GIPR: variants seen among roughly 807,000 people sequenced by gnomAD.
GIPR encodes gastric inhibitory polypeptide receptor, also known as GIP-R.
A neutral mutation model predicts 62.2 loss-of-function variants in GIPR; 74 were observed. That is an observed-to-expected ratio of 1.19 (90% CI 0.99 to 1.44). The LOEUF (loss-of-function observed/expected upper bound fraction) is 1.44, where lower values mean the gene tolerates loss of function less well. Among genes scored for constraint, GIPR ranks in the 40% most tolerant of loss-of-function variants. The probability of loss-of-function intolerance (pLI) is 0.00; values close to 1 mark genes in which losing one functional copy is unlikely to be tolerated. For missense variants in GIPR, 664 were observed against 611.8 expected (o/e 1.09, Z -0.90); for synonymous variants, 256 against 262.2 (o/e 0.98, Z 0.23).
intron 12 of GIPR, among the ~76,000 whole-genome samples, chr19:45,680,004 A>T (rs1455225184): frequency 2.0e-5 from 3 of 152,108 alleles, no homozygotes; most frequent in African/African-American, 7.2e-5. Flanking sequence ...TCCTGACCTC[A>T]GGTGATCCGC....
chr19:45,674,110 T>A lies in GIPR; in HGVS notation c.421T>A (p.Tyr141Asn). ...CATCTTGGAGCGGTTGCAGGTCATGTACACTGTCGGCTACTCCCTGTCTCT... is the reference window on the plus strand; with the variant it reads ...CATCTTGGAGCGGTTGCAGGTCATGAACACTGTCGGCTACTCCCTGTCTCT... ...RLILERLQVM[Y>N]TVGYSLSLAT... is the part of the protein sequence containing the mutation. The change falls in exon 6 of 14, where the codon TAC (tyrosine) becomes AAC (asparagine). Residue 141 changes from tyrosine to asparagine, a missense_variant. Tyr to Asn is a moderately radical substitution (Grantham distance 143). Transcript: ENST00000590918. 1 of 1,613,714 alleles carries A rather than the reference T, an allele frequency of 6.2e-7. No homozygotes were observed. Among genetic ancestry groups the A allele is most frequent in the Non-Finnish European group, 8.5e-7 (1 of 1,179,618 alleles).
intron 12 of GIPR, among the ~76,000 whole-genome samples, chr19:45,680,034 C>G (rs56337742): frequency 6.6e-6 from 1 of 152,008 alleles, no homozygotes; most frequent in Non-Finnish European, 1.5e-5. Context: ...CCTCCCAAAG[C>G]GCCGGGATTA....
chr19:45,676,827 G>A (rs1966952287), intron 7 of GIPR, 122 bp from the exon 8 acceptor site: 4 of 851,874 alleles, frequency 4.7e-6, no homozygotes, highest in Non-Finnish European at 7.9e-6. Flanking sequence ...ATTCACTGGG[G>A]ACACAGAGTG....
Position 45,676,961 on chromosome 19 carries a change from T to G in GIPR, c.646T>G (p.Cys216Gly). The change falls in exon 8 of 14, where the codon TGC (cysteine) becomes GGC (glycine). Residue 216 changes from cysteine (C) to glycine (G), a missense_variant. Coordinates refer to ENST00000590918, the MANE Select transcript of GIPR (RefSeq NM_000164.4). ...GGCCCCTCCCTAGGCCCTCGCTGCC[T>G]GCCGCACGGCCCAGATCGTGACCCA... ...LALWNQALAACRTAQIVTQYC... is the reference protein window; with the variant it reads ...LALWNQALAAGRTAQIVTQYC... 1 of 1,614,048 alleles carries G rather than the reference T, an allele frequency of 6.2e-7. No homozygotes were observed. Among genetic ancestry groups the G allele is most frequent in the Non-Finnish European group, 8.5e-7 (1 of 1,180,004 alleles).
At chr19:45,677,876 G>C (rs1181700937) in intron 10 of GIPR, 30 bp from the exon 11 acceptor site, 2 of 1,608,242 alleles carry the variant, frequency 1.2e-6, no homozygotes, top group East Asian at 2.2e-5. Context: ...ATGGGATCGC[G>C]GCTGGCTCAG....
At chr19:45,681,420 G>A (rs146438093) in intron 12 of GIPR, among the ~76,000 whole-genome samples, 184 bp from the exon 13 acceptor site, 4 of 152,164 alleles carry the variant, frequency 2.6e-5, no homozygotes, top group African/African-American at 4.8e-5. Flanking sequence ...ACTTGAACCC[G>A]GGAGGTAGAG....
chr19:45,678,131 C>T lies in GIPR; in HGVS notation c.1057C>T (p.His353Tyr). The change falls in exon 12 of 14, where the codon CAC becomes TAC. Residue 353 changes from histidine (H) to tyrosine (Y), a missense_variant. By Grantham distance (83) the His-to-Tyr change is moderately conservative. Transcript: ENST00000590918. ...TLTLVPLLGV[H>Y]EVVFAPVTEE... ...GACGCTGGTGCCCCTGCTGGGTGTC[C>T]ACGAGGTGGTGTTTGCTCCCGTGAC... The T allele has an allele frequency of 2.5e-6, 4 of 1,612,512 alleles. No homozygotes were observed. The highest frequency in any genetic ancestry group is 3.4e-6 in the Non-Finnish European group (4 of 1,179,666).
intron 12 of GIPR, among the ~76,000 whole-genome samples, chr19:45,678,589 C>G (rs1191908824): frequency 6.6e-6 from 1 of 152,102 alleles, no homozygotes; most frequent in Non-Finnish European, 1.5e-5. Context: ...TCTCCAACTC[C>G]TAACCTTGGG....
intron 7 of GIPR, among the ~76,000 whole-genome samples, chr19:45,675,588 A>AAG (rs1211578606): frequency 1.3e-5 from 2 of 149,640 alleles, no homozygotes; most frequent in Non-Finnish European, 3.0e-5. Flanking sequence ...AAAAAAAAAA[A>AAG]AAAAAAAGCC....
Position 45,669,568 on chromosome 19 carries a change from C to G in GIPR, c.48C>G (p.Cys16Trp). The G allele has an allele frequency of 6.3e-7, 1 of 1,580,704 alleles. No individual in the cohort carries two copies. Among genetic ancestry groups the G allele is most frequent in the South Asian group, 1.2e-5 (1 of 86,738 alleles). Residue 16 changes from cysteine (C) to tryptophan (W), a missense_variant, in exon 2 of 14, where the codon TGC (cysteine) becomes TGG (tryptophan). Cys to Trp is a radical substitution (Grantham distance 215). Transcript: ENST00000590918. ...AGCTGCTGCTGCGGCTCTCACTGTGCGGGCTGCTGCTCCAGAGGGCGGAGG... is the reference window on the plus strand; with the variant it reads ...AGCTGCTGCTGCGGCTCTCACTGTGGGGGCTGCTGCTCCAGAGGGCGGAGG... Reference protein sequence around the residue: ...ILQLLLRLSLCGLLLQRAETG... With the variant: ...ILQLLLRLSLWGLLLQRAETG...
At chr19:45,678,804 G>C (rs529239526) in intron 12 of GIPR, among the ~76,000 whole-genome samples, 1 of 152,354 alleles carries the variant, frequency 6.6e-6, no homozygotes, top group African/African-American at 2.4e-5. Flanking sequence ...ACACAGCTGA[G>C]GCCAAATTCA....
chr19:45,682,212 G>A lies in GIPR; in HGVS notation c.*277G>A, dbSNP rs1049480784. On this transcript the variant is annotated 3_prime_UTR_variant, in exon 14 of 14. Coordinates refer to ENST00000590918, the MANE Select transcript of GIPR (RefSeq NM_000164.4). ...GGTGACACTTAAGCCATCCCCGAAA[G>A]AGGTGAAAGAGATCACTTTGGGGAG... 28 of 470,648 alleles carry A rather than the reference G, an allele frequency of 5.9e-5. No homozygotes were observed. The highest frequency in any genetic ancestry group is 3.6e-4 in the Admixed American group (9 of 25,204). 29.2% of individuals were successfully genotyped at this position (470,648 alleles called of 1,614,324 possible).
Position 45,677,966 on chromosome 19 carries a change from C to A in GIPR, c.985C>A (p.Gln329Lys). Residue 329 changes from glutamine to lysine, a missense_variant, in exon 11 of 14, where the codon CAA becomes AAA. Transcript: ENST00000590918. ...TCTCCTGTCCAAGCTGAGGACACGG[C>A]AAATGCGCTGCCGGGATTACCGGCT... The part of the protein sequence containing the change: ...GILLSKLRTR[Q>K]MRCRDYRLRL... The A allele has an allele frequency of 1.2e-6, 2 of 1,614,004 alleles. No individual in the cohort carries two copies. The highest frequency in any genetic ancestry group is 1.7e-6 in the Non-Finnish European group (2 of 1,180,028).
intron 4 of GIPR, 22 bp from the exon 5 acceptor site, chr19:45,672,829 T>C (rs1439147059): frequency 6.9e-7 from 1 of 1,455,340 alleles, no homozygotes; most frequent in East Asian, 2.3e-5. Flanking sequence ...GTGCCTTAAT[T>C]CCCTCTCTTC....
At chr19:45,678,383 A>T in intron 12 of GIPR, 157 bp downstream of exon 12, 1 of 882,738 alleles carries the variant, frequency 1.1e-6, no homozygotes, top group Non-Finnish European at 1.8e-6. Flanking sequence ...TTTTTTTTTG[A>T]GACGGATTCT....
Position 45,682,107 on chromosome 19 carries a change from A to G in GIPR, c.*172A>G, listed in dbSNP as rs1967279030. 6 of 650,056 alleles carry G rather than the reference A, an allele frequency of 9.2e-6. No homozygotes were observed. Among genetic ancestry groups the G allele is most frequent in the Admixed American group, 2.5e-5 (1 of 39,604 alleles). The allele number at this position is 650,056 out of a possible 1,614,324, so 40.3% of individuals were successfully genotyped here. Reference sequence around the variant, plus strand: ...AAACAGACCGTGAACACAAAACATCAAGTTCCACACACGCTATGGAATGGT... The same window carrying G: ...AAACAGACCGTGAACACAAAACATCGAGTTCCACACACGCTATGGAATGGT... On this transcript the variant is annotated 3_prime_UTR_variant, in exon 14 of 14. Transcript: ENST00000590918.
chr19:45,677,338 T>G lies in GIPR; in HGVS notation c.809T>G (p.Phe270Cys). The G allele has an allele frequency of 6.3e-7, 1 of 1,598,856 alleles. No individual in the cohort carries two copies. The highest frequency in any genetic ancestry group is 1.3e-5 in the African/African-American group (1 of 74,684). The change falls in exon 9 of 14, where the codon TTC (phenylalanine) becomes TGC (cysteine). Residue 270 changes from phenylalanine to cysteine, a missense_variant. Transcript: ENST00000590918. ...GTCTGCACAGGGGCCCCCGCGCTTT[T>G]CGTCATTCCCTGGGTGATCGTCAGG... ...LLLGWGAPAL[F>C]VIPWVIVRYL... is the part of the protein sequence containing the mutation.
At chr19:45,680,822 C>T (rs560092948) in intron 12 of GIPR, among the ~76,000 whole-genome samples, 13 of 133,984 alleles carry the variant, frequency 9.7e-5, no homozygotes, top group Non-Finnish European at 1.9e-4. Flanking sequence ...CAGAGCAAGA[C>T]TCTGTCTCCC....
rs375751889 is a variant in GIPR, at chr19:45,674,719, C to G, written c.526C>G (p.Leu176Val). ...CACTAGAAACTATATCCACATCAACCTGTTCACGTCTTTCATGCTGCGAGC... is the reference window on the plus strand; with the variant it reads ...CACTAGAAACTATATCCACATCAACGTGTTCACGTCTTTCATGCTGCGAGC... ...HCTRNYIHINLFTSFMLRAAA... is the reference protein window; with the variant it reads ...HCTRNYIHINVFTSFMLRAAA... The change falls in exon 7 of 14, where the codon CTG becomes GTG. Residue 176 changes from leucine (L) to valine (V), a missense_variant. Transcript: ENST00000590918. 48 of 1,613,976 alleles carry G rather than the reference C, an allele frequency of 3.0e-5. No homozygotes were observed. The African/African-American group carries it at 6.4e-4, about 22-fold the overall frequency.
Sources: allele counts gnomAD v4.1 joint callset (sites outside exome capture counted in the v4.1 genomes callset), GRCh38; gene constraint gnomAD v4.1.1; transcripts MANE v1.5; gene names NCBI Gene and HGNC (gene_info 2026-07-23, HGNC 2026-07-21).